Variants in RMDN2 observed in about 807,000 individuals in gnomAD.
The protein encoded by RMDN2 is regulator of microtubule dynamics 2, also known as regulator of microtubule dynamics protein 2.
In RMDN2, 61 loss-of-function variants were observed where a neutral mutation model predicts 52.8. The observed-to-expected ratio is 1.16, with a 90% CI of 0.94 to 1.43. The LOEUF (loss-of-function observed/expected upper bound fraction) is 1.43. Among genes scored for constraint, RMDN2 ranks in the 40% most tolerant of loss-of-function variants. RMDN2 has a pLI of 0.00. For missense variants in RMDN2, 592 were observed against 475.3 expected, an observed-to-expected ratio of 1.25 and a Z score of -2.28; for synonymous variants, 180 against 153.1, an observed-to-expected ratio of 1.18 and a Z score of -1.30.
At chr2:37,938,397 A>G (rs1028635677) in intron 2 of RMDN2, among the ~76,000 whole-genome samples, 32 of 152,168 alleles carry the variant, frequency 2.1e-4, no homozygotes, top group African/African-American at 6.5e-4. Flanking sequence ...TATCAGGATG[A>G]TGCTGGCCTC....
intron 2 of RMDN2, among the ~76,000 whole-genome samples, chr2:37,962,551 C>G (rs1670389131): frequency 1.3e-5 from 2 of 152,148 alleles, no homozygotes; most frequent in African/African-American, 2.4e-5. Context: ...CCACCAAGCT[C>G]AAATGTCCCA....
intron 10 of RMDN2, among the ~76,000 whole-genome samples, chr2:38,057,172 A>T (rs1009947620): frequency 6.6e-6 from 1 of 152,224 alleles, no homozygotes; most frequent in African/African-American, 2.4e-5. Context: ...TGTGAGAAAT[A>T]GATGGTGCAG....
intron 2 of RMDN2, among the ~76,000 whole-genome samples, chr2:37,949,535 T>C (rs769651184): frequency 1.3e-5 from 2 of 152,180 alleles, no homozygotes; most frequent in Admixed American, 6.5e-5. Flanking sequence ...ACGAATCTCA[T>C]GTCTTCTGCC....
At chr2:37,978,270 G>GTA (rs1236155978) in intron 4 of RMDN2, among the ~76,000 whole-genome samples, 1 of 145,212 alleles carries the variant, frequency 6.9e-6, no homozygotes, top group Non-Finnish European at 1.5e-5. Context: ...GATGGCGGCA[G>GTA]TACAGTCCAG....
At chr2:37,930,781 A>G (rs1558433825) in intron 2 of RMDN2, among the ~76,000 whole-genome samples, 4 of 152,130 alleles carry the variant, frequency 2.6e-5, no homozygotes, top group South Asian at 2.1e-4. Flanking sequence ...CAGAGGGGAG[A>G]GTGAGCCAGA....
intron 2 of RMDN2, among the ~76,000 whole-genome samples, chr2:37,966,376 C>G (rs1671051884): frequency 6.6e-6 from 1 of 151,746 alleles, no homozygotes; most frequent in South Asian, 2.1e-4. Context: ...GAGATCATGC[C>G]ACTGCATTCC....
intron 2 of RMDN2, among the ~76,000 whole-genome samples, chr2:37,945,180 G>A (rs754955492): frequency 1.3e-5 from 2 of 152,138 alleles, no homozygotes; most frequent in Non-Finnish European, 2.9e-5. Flanking sequence ...TCTACATTTT[G>A]TTATTTTCCT....
chr2:37,983,443 A>T (rs1673591420), intron 5 of RMDN2, among the ~76,000 whole-genome samples: 1 of 152,290 alleles, frequency 6.6e-6, no homozygotes. Flanking sequence ...TAATCATAGC[A>T]TTTAACCCCA....
At chr2:37,957,583 A>G (rs1669646807) in intron 2 of RMDN2, among the ~76,000 whole-genome samples, 1 of 152,206 alleles carries the variant, frequency 6.6e-6, no homozygotes, top group African/African-American at 2.4e-5. Context: ...ATTTTCTGCC[A>G]TTCTGTAGGT....
At chr2:37,963,888 G>T (rs1009099578) in intron 2 of RMDN2, among the ~76,000 whole-genome samples, 1 of 138,078 alleles carries the variant, frequency 7.2e-6, no homozygotes, top group African/African-American at 2.5e-5. Context: ...CCCAGCAGGG[G>T]CGGCGGGGCA....
chr2:37,983,667 AAG>A (rs1026997432), intron 5 of RMDN2, among the ~76,000 whole-genome samples: 2 of 152,214 alleles, frequency 1.3e-5, no homozygotes, highest in Admixed American at 1.3e-4. Flanking sequence ...GGGATGAAAA[AAG>A]AAATTTAAAC....
chr2:37,970,607 A>G (rs1456313866), intron 2 of RMDN2, among the ~76,000 whole-genome samples: 1 of 152,184 alleles, frequency 6.6e-6, no homozygotes, highest in African/African-American at 2.4e-5. Context: ...GAATAAGCCT[A>G]ATTATTTGGA....
chr2:37,922,847 C>A (rs1451480498), upstream of RMDN2, among the ~76,000 whole-genome samples: 1 of 152,128 alleles, frequency 6.6e-6, no homozygotes, highest in Non-Finnish European at 1.5e-5. Flanking sequence ...ATTCCAGGCA[C>A]AAGGAACAGG....
chr2:38,042,516 T>C (rs1671635254), intron 10 of RMDN2, among the ~76,000 whole-genome samples: 1 of 152,034 alleles, frequency 6.6e-6, no homozygotes, highest in Admixed American at 6.6e-5. Context: ...TTTTGGTTTC[T>C]ACTCTAATTT....
chr2:37,997,323 T>C, intron 7 of RMDN2, 93 bp from the exon 8 acceptor site: 1 of 794,906 alleles, frequency 1.3e-6, no homozygotes, highest in East Asian at 2.4e-5. Flanking sequence ...CACACACGTA[T>C]ATACACATAA....
intron 10 of RMDN2, among the ~76,000 whole-genome samples, chr2:38,012,005 C>T (rs1678066286): frequency 6.6e-6 from 1 of 152,164 alleles, no homozygotes; most frequent in Non-Finnish European, 1.5e-5. Flanking sequence ...CTGCTCAAAA[C>T]CCTTTGCTGC....
chr2:37,996,947 C>G (rs1160662420), intron 7 of RMDN2, among the ~76,000 whole-genome samples: 2 of 152,104 alleles, frequency 1.3e-5, no homozygotes, highest in African/African-American at 4.8e-5. Flanking sequence ...ATCTGAGATG[C>G]TACCTCTGGG....
intron 2 of RMDN2, among the ~76,000 whole-genome samples, chr2:37,935,924 G>C (rs1018432027): frequency 6.6e-6 from 1 of 151,964 alleles, no homozygotes; most frequent in African/African-American, 2.4e-5. Flanking sequence ...TTAACTTTAA[G>C]TTCTGGGATA....
At chr2:37,977,996 C>T (rs1413915892) in intron 4 of RMDN2, among the ~76,000 whole-genome samples, 2 of 152,104 alleles carry the variant, frequency 1.3e-5, no homozygotes, top group Non-Finnish European at 2.9e-5. Context: ...CTGTAGTGAG[C>T]CGAGATCACG....
Sources: allele counts gnomAD v4.1 joint callset (sites outside exome capture counted in the v4.1 genomes callset), GRCh38; gene constraint gnomAD v4.1.1; transcripts MANE v1.5; gene names NCBI Gene and HGNC (gene_info 2026-07-23, HGNC 2026-07-21).